Variants in OCA2 observed in about 807,000 individuals in gnomAD.
The protein encoded by OCA2 is OCA2 melanosomal transmembrane protein, also known as P protein.
Under a neutral mutation model 100.2 loss-of-function variants are expected in OCA2, and 77 were observed. The ratio of observed to expected loss-of-function variants is 0.77; its 90% CI spans 0.64 to 0.93. The LOEUF is 0.93. Among genes scored for constraint, OCA2 ranks in the 40% least tolerant of loss-of-function variants. OCA2 has a pLI of 0.00. For missense variants in OCA2, 1,062 were observed against 1,089.1 expected (o/e 0.98, Z 0.35); for synonymous variants, 432 against 439.2 (o/e 0.98, Z 0.21).
intron 19 of OCA2, among the ~76,000 whole-genome samples, chr15:27,910,137 G>A (rs1213553311): frequency 2.0e-5 from 3 of 152,104 alleles, no homozygotes. Flanking sequence ...TTAAAGAAAT[G>A]CAAATGAAAA....
intron 23 of OCA2, among the ~76,000 whole-genome samples, chr15:27,823,183 G>A (rs1353777569): frequency 6.6e-6 from 1 of 152,158 alleles, no homozygotes; most frequent in Non-Finnish European, 1.5e-5. Flanking sequence ...CCTGTTTCTG[G>A]GCTCTCCATT....
chr15:27,890,427 A>G (rs970816746), intron 19 of OCA2, among the ~76,000 whole-genome samples: 1 of 152,236 alleles, frequency 6.6e-6, no homozygotes, highest in Non-Finnish European at 1.5e-5. Flanking sequence ...CAACTTTCAA[A>G]GACTAAAGAC....
chr15:27,873,208 G>A (rs765237225), intron 19 of OCA2, among the ~76,000 whole-genome samples: 1 of 152,184 alleles, frequency 6.6e-6, no homozygotes, highest in Non-Finnish European at 1.5e-5. Flanking sequence ...CTTGGCTGTG[G>A]GGCTGGCCCG....
At chr15:27,726,227 G>A in the OCA2 span, among the ~76,000 whole-genome samples, 2 of 152,040 alleles carry the variant, frequency 1.3e-5, no homozygotes, top group African/African-American at 4.8e-5. Context: ...TAATCTGAGA[G>A]GCAGAGGTTG....
the OCA2 span, among the ~76,000 whole-genome samples, chr15:27,722,800 CTT>C: frequency 7.9e-4 from 61 of 77,396 alleles, no homozygotes; most frequent in Non-Finnish European, 8.9e-4. Flanking sequence ...CTCTCTCTCT[CTT>C]TCTCTCTCTC....
intron 23 of OCA2, among the ~76,000 whole-genome samples, chr15:27,821,269 T>C (rs983340847): frequency 6.6e-6 from 1 of 152,200 alleles, no homozygotes; most frequent in Non-Finnish European, 1.5e-5. Context: ...ATTCATTTTC[T>C]GGTAATTCTG....
chr15:28,034,363 G>A (rs966667166), intron 2 of OCA2, among the ~76,000 whole-genome samples: 5 of 152,220 alleles, frequency 3.3e-5, no homozygotes, highest in Non-Finnish European at 7.3e-5. Flanking sequence ...GATAGATTGT[G>A]GATATTGATT....
chr15:27,856,865 C>T (rs1488427919), intron 21 of OCA2, among the ~76,000 whole-genome samples: 1 of 152,080 alleles, frequency 6.6e-6, no homozygotes, highest in Admixed American at 6.6e-5. Context: ...TGGATGGCTC[C>T]AGCACTCAAC....
chr15:27,834,714 G>A (rs8030664), intron 23 of OCA2, among the ~76,000 whole-genome samples: 26,253 of 152,138 alleles, frequency 0.17, 3,546 homozygotes, highest in East Asian at 0.54. Flanking sequence ...GCTGGAGTAA[G>A]GAGTAGAAAA....
chr15:27,727,633 G>A, the OCA2 span, among the ~76,000 whole-genome samples: 2 of 152,188 alleles, frequency 1.3e-5, no homozygotes, highest in African/African-American at 2.4e-5. Flanking sequence ...ATGAAGGCAC[G>A]TAAAATCATC....
intron 1 of OCA2, among the ~76,000 whole-genome samples, chr15:28,096,562 G>C (rs1251038589): frequency 6.6e-6 from 1 of 152,214 alleles, no homozygotes; most frequent in African/African-American, 2.4e-5. Context: ...TGAGACAGGG[G>C]TGTCCCGCTG....
chr15:27,846,657 G>T (rs1210805844), intron 22 of OCA2, among the ~76,000 whole-genome samples: 1 of 152,194 alleles, frequency 6.6e-6, no homozygotes, highest in Non-Finnish European at 1.5e-5. Context: ...TGATCTGCGA[G>T]GGACCACTTC....
intron 9 of OCA2, among the ~76,000 whole-genome samples, chr15:27,993,690 A>G (rs978721358): frequency 6.6e-6 from 1 of 151,384 alleles, no homozygotes; most frequent in Non-Finnish European, 1.5e-5. Context: ...CCCTCGTCAC[A>G]CACACCGGCT....
At chr15:28,030,549 C>G (rs1057027847) in intron 3 of OCA2, among the ~76,000 whole-genome samples, 15 of 152,164 alleles carry the variant, frequency 9.9e-5, no homozygotes, top group African/African-American at 3.6e-4. Flanking sequence ...TGGCTGCATA[C>G]CATCCAAATC....
Position 27,957,620 on chromosome 15 carries a change from G to T in OCA2, c.1752C>A (p.His584Gln). The T allele has an allele frequency of 6.2e-7, 1 of 1,612,898 alleles. No individual in the cohort carries two copies. The highest frequency in any genetic ancestry group is 8.5e-7 in the Non-Finnish European group (1 of 1,179,956). The stretch of plus-strand genomic sequence containing the variant: ...AGGTGTGCAGCCTCCGGGCGAGCAG[G>T]TGCTCCAGTGCCAGCACCTTCCCCA... ...LLLGKVLALE[H>Q]LLARRLHTFH... The change falls in exon 16 of 24, where the codon CAC (histidine) becomes CAA (glutamine). Residue 584 changes from histidine to glutamine, a missense_variant. Coordinates refer to ENST00000354638, the MANE Select transcript of OCA2 (RefSeq NM_000275.3). The surrounding 1 kb of genome is among the most constrained non-coding windows in gnomAD (Gnocchi z 4.3).
At chr15:27,774,369 T>A (rs2032067629) in intron 23 of OCA2, among the ~76,000 whole-genome samples, 1 of 152,250 alleles carries the variant, frequency 6.6e-6, no homozygotes, top group Non-Finnish European at 1.5e-5. Flanking sequence ...CGTTCTGCAC[T>A]GAGAGCCTCC....
intron 23 of OCA2, among the ~76,000 whole-genome samples, chr15:27,773,532 T>C (rs1161154806): frequency 6.6e-6 from 1 of 152,204 alleles, no homozygotes; most frequent in African/African-American, 2.4e-5. Context: ...TATAATAATA[T>C]CAGGTTACAT....
intron 15 of OCA2, among the ~76,000 whole-genome samples, chr15:27,958,500 C>A (rs1367802513): frequency 6.6e-6 from 1 of 152,072 alleles, no homozygotes; most frequent in African/African-American, 2.4e-5. Flanking sequence ...TCCAACCAGG[C>A]GCCACTGAGC....
At position 27,948,902 on chromosome 15, in the gene OCA2, T is replaced by C. The variant is rs113346117; in HGVS notation, c.1951+2882A>G. ...CAGCCCCAAAAACACAAAACCATAG[T>C]GATGGAGACAAGATCAGTCCTTGCC... On this transcript the variant is annotated intron_variant, in intron 18 of 23. Transcript: ENST00000354638. 1.7e-3 allele frequency among the ~76,000 whole-genome samples: 262 copies of C among 152,188 alleles called. 1 individual carries two copies. The highest frequency in any genetic ancestry group is 6.0e-3 in the African/African-American group (251 of 41,518).
Sources: allele counts gnomAD v4.1 joint callset (sites outside exome capture counted in the v4.1 genomes callset), GRCh38; gene constraint gnomAD v4.1.1; non-coding constraint Gnocchi (gnomAD v3.1); transcripts MANE v1.5; gene names NCBI Gene and HGNC (gene_info 2026-07-23, HGNC 2026-07-21).